PTPRN2: variants seen among roughly 807,000 people sequenced by gnomAD.
PTPRN2 encodes the protein receptor-type tyrosine-protein phosphatase N2.
Under a neutral mutation model 118.8 loss-of-function variants are expected in PTPRN2, and 74 were observed. The observed-to-expected ratio is 0.62, with a 90% CI of 0.52 to 0.76. The LOEUF (loss-of-function observed/expected upper bound fraction) is 0.76, where lower values mean the gene tolerates loss of function less well. Among genes scored for constraint, PTPRN2 ranks in the 30% least tolerant of loss-of-function variants. The pLI, the probability that PTPRN2 is intolerant of heterozygous loss-of-function variation, is 0.00. For missense variants in PTPRN2, 1,481 were observed against 1,394.4 expected (o/e 1.06, Z -0.99); for synonymous variants, 641 against 608.0 (o/e 1.05, Z -0.80).
intron 12 of PTPRN2, among the ~76,000 whole-genome samples, chr7:157,806,062 A>G (rs908849121): frequency 6.6e-6 from 1 of 152,214 alleles, no homozygotes; most frequent in African/African-American, 2.4e-5. Flanking sequence ...CACACAGTAG[A>G]GAGCAGACTA....
intron 1 of PTPRN2, among the ~76,000 whole-genome samples, chr7:158,584,021 T>C (rs1374705266): frequency 2.0e-5 from 3 of 152,208 alleles, no homozygotes; most frequent in Non-Finnish European, 4.4e-5. Flanking sequence ...CTCTCGGCTC[T>C]GTGTGGGCTC....
rs2150737308 is a variant in PTPRN2 at position 158,202,478 on chromosome 7, G to A, written c.380+2693C>T. Among the ~76,000 whole-genome samples, 3 of 152,246 alleles carry A rather than the reference G, an allele frequency of 2.0e-5. No individual in the cohort carries two copies. The East Asian group carries it at 5.8e-4, about 29-fold the overall frequency. ...CATGTCTGGGCCTGGGGAAGAGCTG[G>A]GGAACATGCCCAGACTCCTCTGCCC... On this transcript the variant is annotated intron_variant, in intron 4 of 22. Transcript: ENST00000389418.
chr7:158,401,817 G>A (rs981654913), intron 2 of PTPRN2, among the ~76,000 whole-genome samples: 5 of 152,228 alleles, frequency 3.3e-5, no homozygotes, highest in African/African-American at 9.6e-5. Flanking sequence ...GGGGACTGAC[G>A]GCAGCCTGGA....
At chr7:157,740,183 C>T (rs767120877) in intron 12 of PTPRN2, 1 of 152,246 alleles carries the variant, frequency 6.6e-6, no homozygotes, top group Non-Finnish European at 1.5e-5. Context: ...TGGTGAGCTA[C>T]CTTAATGCCA....
intron 11 of PTPRN2, among the ~76,000 whole-genome samples, chr7:157,938,221 G>A (rs1465965031): frequency 6.6e-6 from 1 of 152,220 alleles, no homozygotes; most frequent in Admixed American, 6.5e-5. Flanking sequence ...ATAGTTGGCT[G>A]TCTCAGAAAA....
At chr7:157,642,367 G>C (rs916906027) in intron 14 of PTPRN2, among the ~76,000 whole-genome samples, 1 of 152,212 alleles carries the variant, frequency 6.6e-6, no homozygotes, top group Non-Finnish European at 1.5e-5. Flanking sequence ...TTAAACTCGT[G>C]TTAGGTTTAC....
chr7:158,246,921 G>C (rs1217743085), intron 3 of PTPRN2, among the ~76,000 whole-genome samples: 1 of 152,140 alleles, frequency 6.6e-6, no homozygotes, highest in Non-Finnish European at 1.5e-5. Context: ...AGGAATGCGC[G>C]GCCTGTTGAG....
intron 11 of PTPRN2, among the ~76,000 whole-genome samples, chr7:158,009,951 C>A (rs1805921054): frequency 6.6e-6 from 1 of 152,180 alleles, no homozygotes; most frequent in African/African-American, 2.4e-5. Flanking sequence ...TGGGCACCAG[C>A]CAAACCCACT....
chr7:158,474,746 C>T lies in PTPRN2; in HGVS notation c.163+14989G>A, dbSNP rs973385166. On this transcript the variant is annotated intron_variant, in intron 2 of 22. Coordinates refer to ENST00000389418, the MANE Select transcript of PTPRN2 (RefSeq NM_002847.5). The stretch of plus-strand genomic sequence containing the variant: ...CTGAGAGGGACCCTCTTCCCAAGGT[C>T]GGCTAAGAGGCGGGTGACCGTCTGA... Among the ~76,000 whole-genome samples, 9 of 152,228 alleles carry T rather than the reference C, an allele frequency of 5.9e-5. 1 individual carries two copies. Among genetic ancestry groups the T allele is most frequent in the African/African-American group, 2.2e-4 (9 of 41,544 alleles).
chr7:157,912,773 G>A lies in PTPRN2; in HGVS notation c.1724-14036C>T, dbSNP rs140722561. On this transcript the variant is annotated intron_variant, in intron 11 of 22. Coordinates refer to ENST00000389418, the MANE Select transcript of PTPRN2 (RefSeq NM_002847.5). ...TAAAGGCCATCCTTCCCACTGATCT[G>A]TAATGTCAACCCTGTTATCAATCAG... Among the ~76,000 whole-genome samples, 676 of 152,192 alleles carry A rather than the reference G, an allele frequency of 4.4e-3. 5 individuals are homozygous for A. Among genetic ancestry groups the A allele is most frequent in the African/African-American group, 0.015 (623 of 41,504 alleles).
At chr7:158,510,861 G>A (rs990701376) in intron 1 of PTPRN2, among the ~76,000 whole-genome samples, 5 of 152,210 alleles carry the variant, frequency 3.3e-5, no homozygotes, top group Admixed American at 1.3e-4. Flanking sequence ...TCTCAGGGCC[G>A]CTTGCTGGGA....
At chr7:158,527,949 ATGTC>A (rs1824916958) in intron 1 of PTPRN2, among the ~76,000 whole-genome samples, 5 of 151,578 alleles carry the variant, frequency 3.3e-5, no homozygotes, top group Non-Finnish European at 7.4e-5. Flanking sequence ...TGCTTGTGCT[ATGTC>A]TGTTGGTTTA....
rs1186716154 is a variant in PTPRN2, at chr7:158,071,392, A to T, written c.1723+9906T>A. 1.3e-3 allele frequency among the ~76,000 whole-genome samples: 50 copies of T among 37,624 alleles called. 1 individual carries two copies. Among genetic ancestry groups the T allele is most frequent in the Non-Finnish European group, 1.8e-3 (32 of 18,270 alleles). The allele number at this position is 37,624 out of a possible 152,430, so 24.7% of individuals were successfully genotyped here. On this transcript the variant is annotated intron_variant, in intron 11 of 22. Transcript: ENST00000389418. ...ATGGTGGTGGAGGTGCTCGTGGTGG[A>T]GGTGCTCGTGGTGGAGTTGCTCCTG...
intron 12 of PTPRN2, among the ~76,000 whole-genome samples, chr7:157,811,071 A>C (rs1806001195): frequency 6.6e-6 from 1 of 151,916 alleles, no homozygotes; most frequent in African/African-American, 2.4e-5. Flanking sequence ...GGAGATCGAG[A>C]CCATCCTGGC....
At chr7:158,536,718 T>C (rs1304386866) in intron 1 of PTPRN2, among the ~76,000 whole-genome samples, 1 of 144,524 alleles carries the variant, frequency 6.9e-6, no homozygotes, top group Admixed American at 6.8e-5. Context: ...ATTGACGAGA[T>C]GAGACTCAGG....
rs1563295298 is a variant in PTPRN2 at position 158,441,015 on chromosome 7, GTC to G, written c.163+48718_163+48719del. 1.3e-3 allele frequency among the ~76,000 whole-genome samples: 183 copies of G among 146,192 alleles called. 2 individuals are homozygous for G. The highest frequency in any genetic ancestry group is 4.5e-3 in the African/African-American group (167 of 36,720). On this transcript the variant is annotated intron_variant, in intron 2 of 22. Coordinates refer to ENST00000389418, the MANE Select transcript of PTPRN2 (RefSeq NM_002847.5). ...GATGGCAGTGATGGGGGTGGTGGTA[GTC>G]GTGGTGGTGGTGACAGTGGTAGTAG...
At chr7:158,177,336 T>C (rs1022007340) in intron 5 of PTPRN2, among the ~76,000 whole-genome samples, 16 of 152,236 alleles carry the variant, frequency 1.1e-4, no homozygotes, top group African/African-American at 3.6e-4. Flanking sequence ...TAAGCACCTT[T>C]GATGCCTTCA....
chr7:158,309,884 G>A (rs1586198145), intron 3 of PTPRN2, among the ~76,000 whole-genome samples: 3 of 152,264 alleles, frequency 2.0e-5, no homozygotes, highest in Admixed American at 6.5e-5. Context: ...GAAGGCTTTG[G>A]GGGTAATTAG....
intron 12 of PTPRN2, among the ~76,000 whole-genome samples, chr7:157,756,853 C>T (rs543097592): frequency 2.0e-5 from 3 of 151,546 alleles, no homozygotes; most frequent in South Asian, 2.1e-4. Flanking sequence ...AAGAGGACGT[C>T]GCTTTCCATG....
Sources: gnomAD v4.1 joint callset for allele counts (sites outside exome capture counted in the v4.1 genomes callset) on GRCh38, gnomAD v4.1.1 for gene constraint, MANE v1.5 for transcripts, NCBI Gene and HGNC (gene_info 2026-07-23, HGNC 2026-07-21) for gene names.